The following CSMD3 variants were observed in gnomAD, a reference collection of about 807,000 sequenced individuals.
CSMD3 encodes CUB and sushi domain-containing protein 3.
A neutral mutation model predicts 435.2 loss-of-function variants in CSMD3; 177 were observed. That is an observed-to-expected ratio of 0.41 (90% CI 0.36 to 0.46). The LOEUF is 0.46. Ranked by LOEUF, CSMD3 falls within the 20% of genes least tolerant of loss-of-function variation. The probability of loss-of-function intolerance (pLI) is 0.34; values close to 1 mark genes in which losing one functional copy is unlikely to be tolerated. For missense variants in CSMD3, 4,265 were observed against 4,504.6 expected (o/e 0.95, Z 1.52); for synonymous variants, 1,656 against 1,520.5 (o/e 1.09, Z -2.07).
chr8:112,969,622 T>C (rs1361287999), intron 7 of CSMD3, among the ~76,000 whole-genome samples: 1 of 151,972 alleles, frequency 6.6e-6, no homozygotes, highest in East Asian at 1.9e-4. Flanking sequence ...CCATAAGATG[T>C]TGTAGTTATC....
chr8:112,878,891 T>A (rs2081367750), intron 10 of CSMD3, among the ~76,000 whole-genome samples: 1 of 152,168 alleles, frequency 6.6e-6, no homozygotes, highest in African/African-American at 2.4e-5. Flanking sequence ...TAATTTCCTA[T>A]GCCTGTCTTT....
At chr8:112,564,423 T>C (rs1461370579) in intron 24 of CSMD3, among the ~76,000 whole-genome samples, 3 of 150,412 alleles carry the variant, frequency 2.0e-5, no homozygotes, top group East Asian at 4.0e-4. Flanking sequence ...TTCCATTCCT[T>C]TCTTTTTTTC....
At chr8:112,518,288 C>T (rs1823891502) in intron 27 of CSMD3, among the ~76,000 whole-genome samples, 1 of 151,686 alleles carries the variant, frequency 6.6e-6, no homozygotes, top group Non-Finnish European at 1.5e-5. Context: ...ATTTCTAAAT[C>T]CCAGGAGTTT....
intron 5 of CSMD3, among the ~76,000 whole-genome samples, chr8:113,096,709 A>C (rs2090172760): frequency 6.6e-6 from 1 of 151,990 alleles, no homozygotes; most frequent in African/African-American, 2.4e-5. Context: ...ACCCATGGTC[A>C]TTCTTTTCTA....
chr8:113,432,848 G>A (rs1214353218), intron 1 of CSMD3, among the ~76,000 whole-genome samples: 1 of 152,176 alleles, frequency 6.6e-6, no homozygotes, highest in African/African-American at 2.4e-5. Flanking sequence ...TACCCGCCAG[G>A]CGTTTCCGCC....
intron 9 of CSMD3, among the ~76,000 whole-genome samples, chr8:112,944,352 T>C (rs2083539848): frequency 6.6e-6 from 1 of 151,752 alleles, no homozygotes; most frequent in South Asian, 2.1e-4. Flanking sequence ...GTCCTTGGGA[T>C]CCCATTTATT....
chr8:112,959,287 G>GC (rs1009940373), intron 7 of CSMD3, among the ~76,000 whole-genome samples: 10 of 152,066 alleles, frequency 6.6e-5, no homozygotes, highest in Middle Eastern at 6.8e-3. Context: ...ACAGTCTGAA[G>GC]CGCTCCTCAT....
At chr8:112,578,329 G>T (rs982722051) in intron 23 of CSMD3, among the ~76,000 whole-genome samples, 2 of 151,968 alleles carry the variant, frequency 1.3e-5, no homozygotes, top group Admixed American at 6.6e-5. Context: ...GGGGCATTCG[G>T]TTTTTTGTTA....
chr8:112,844,588 G>C (rs999557273), intron 11 of CSMD3, among the ~76,000 whole-genome samples: 1 of 151,954 alleles, frequency 6.6e-6, no homozygotes, highest in Non-Finnish European at 1.5e-5. Context: ...CTTCCTAGAA[G>C]GGTTAGACAC....
chr8:113,043,053 T>C (rs1203361349), intron 5 of CSMD3, among the ~76,000 whole-genome samples: 5 of 152,226 alleles, frequency 3.3e-5, no homozygotes, highest in Admixed American at 1.3e-4. Context: ...TAGTTTCGTG[T>C]CTCTAAAAAA....
chr8:112,331,566 T>G (rs1260364645), intron 45 of CSMD3, among the ~76,000 whole-genome samples: 1 of 20,366 alleles, frequency 4.9e-5, no homozygotes, highest in African/African-American at 1.7e-3. Flanking sequence ...AAACATACAT[T>G]TTTTTCCCTC....
chr8:112,586,039 A>T (rs1830695795), intron 23 of CSMD3, among the ~76,000 whole-genome samples: 1 of 151,700 alleles, frequency 6.6e-6, no homozygotes, highest in African/African-American at 2.4e-5. Context: ...TTGAAATTGT[A>T]TACATCTAGA....
intron 10 of CSMD3, among the ~76,000 whole-genome samples, chr8:112,871,793 G>A (rs969971493): frequency 6.6e-6 from 1 of 152,030 alleles, no homozygotes; most frequent in Non-Finnish European, 1.5e-5. Context: ...TCTTAATAGT[G>A]TATGGGAAGG....
chr8:112,671,919 A>C (rs1385233277), intron 16 of CSMD3, among the ~76,000 whole-genome samples: 2 of 152,064 alleles, frequency 1.3e-5, no homozygotes, highest in Admixed American at 1.3e-4. Context: ...CTCCACTACT[A>C]TTATTCATTT....
chr8:112,305,567 G>A (rs770905893), intron 51 of CSMD3, among the ~76,000 whole-genome samples: 2 of 152,074 alleles, frequency 1.3e-5, no homozygotes, highest in Admixed American at 6.6e-5. Context: ...ACTCTTCTAA[G>A]TGTAAGTAAA....
At chr8:113,190,504 T>A (rs1396950229) in intron 3 of CSMD3, among the ~76,000 whole-genome samples, 1 of 151,804 alleles carries the variant, frequency 6.6e-6, no homozygotes, top group Non-Finnish European at 1.5e-5. Flanking sequence ...AGGGAAAGAC[T>A]GAGATGAAAT....
At chr8:113,274,243 A>G (rs2093552634) in intron 3 of CSMD3, among the ~76,000 whole-genome samples, 1 of 152,082 alleles carries the variant, frequency 6.6e-6, no homozygotes, top group South Asian at 2.1e-4. Flanking sequence ...TTAAGATGAA[A>G]TATTTGCCTA....
intron 8 of CSMD3, among the ~76,000 whole-genome samples, chr8:112,952,494 G>T (rs2083857133): frequency 6.6e-6 from 1 of 151,532 alleles, no homozygotes; most frequent in African/African-American, 2.4e-5. Context: ...ATATCTGAAT[G>T]TGTATTTGAA....
At chr8:112,494,564 TTTCTTTCTTTTC>T (rs1353759134) in intron 30 of CSMD3, among the ~76,000 whole-genome samples, 1 of 136,420 alleles carries the variant, frequency 7.3e-6, no homozygotes, top group Non-Finnish European at 1.6e-5. Context: ...TCTTTCTTTC[TTTCTTTCTTTTC>T]TTTCTTTCTC....
Sources: allele counts gnomAD v4.1 joint callset (sites outside exome capture counted in the v4.1 genomes callset), GRCh38; gene constraint gnomAD v4.1.1; transcripts MANE v1.5; gene names NCBI Gene and HGNC (gene_info 2026-07-23, HGNC 2026-07-21).